The following RNF125 variants were observed in gnomAD, a reference collection of about 807,000 sequenced individuals.
RNF125 encodes the protein ring finger protein 125.
Under a neutral mutation model 26.0 loss-of-function variants are expected in RNF125, and 21 were observed. The observed-to-expected ratio is 0.81, with a 90% confidence interval of 0.57 to 1.16. RNF125 has a LOEUF of 1.16. Among genes scored for constraint, RNF125 ranks in the 50% most tolerant of loss-of-function variants. RNF125 has a pLI of 0.00. For synonymous variants in RNF125, 95 were observed against 109.2 expected, an observed-to-expected ratio of 0.87 and a Z score of 0.81; for missense variants, 270 against 299.4, an observed-to-expected ratio of 0.90 and a Z score of 0.72.
chr18:32,044,082 C>T (rs1175230339), intron 3 of RNF125, among the ~76,000 whole-genome samples: 26 of 152,054 alleles, frequency 1.7e-4, no homozygotes, highest in Admixed American at 1.7e-3. Context: ...TCTTGGCTCA[C>T]TGCAACCTCT....
Position 32,037,142 on chromosome 18 carries a change from G to A in RNF125, c.191G>A (p.Ser64Asn). 6.2e-7 allele frequency: 1 copy of A among 1,605,736 alleles called. No homozygotes were observed. The change falls in exon 2 of 6, where the codon AGT becomes AAT. Residue 64 changes from serine (S) to asparagine (N), a missense_variant. Ser to Asn is a conservative substitution (Grantham distance 46). Coordinates refer to ENST00000217740, the MANE Select transcript of RNF125 (RefSeq NM_017831.4). Reference protein sequence around the residue: ...HVFCRSCIATSLKNNKWTCPY... With the variant: ...HVFCRSCIATNLKNNKWTCPY... ...TTCTGCCGTTCCTGTATTGCTACCA[G>A]TCTAAAGAACAACAAGTGGACCTGT...
At chr18:32,061,181 C>T (rs2039431355) in intron 4 of RNF125, among the ~76,000 whole-genome samples, 2 of 152,270 alleles carry the variant, frequency 1.3e-5, no homozygotes, top group African/African-American at 4.8e-5. Flanking sequence ...CCCGCCACCA[C>T]ACCCGGCTAA....
chr18:32,056,970 G>A (rs75645298), intron 4 of RNF125, among the ~76,000 whole-genome samples: 2,531 of 152,212 alleles, frequency 0.017, 66 homozygotes, highest in African/African-American at 0.057. Flanking sequence ...TTACACAGTC[G>A]TAGAGAAAAG....
the RNF125 span, among the ~76,000 whole-genome samples, chr18:32,082,883 G>A: frequency 6.6e-6 from 1 of 152,152 alleles, no homozygotes; most frequent in African/African-American, 2.4e-5. Flanking sequence ...AAAGTGAATT[G>A]TGAGATATAC....
chr18:32,042,617 T>C (rs1028663472), intron 3 of RNF125, among the ~76,000 whole-genome samples: 6 of 152,066 alleles, frequency 3.9e-5, no homozygotes, highest in African/African-American at 1.5e-4. Flanking sequence ...AGATTGTGTT[T>C]GGGATTATCC....
Position 32,068,492 on chromosome 18 carries a change from A to C in RNF125, c.*108A>C. ...TGATTGATGGGCAAAAATGTACAAC[A>C]CAGTTATGTGTTTGTCCATGTTTAT... is the stretch of plus-strand genomic sequence containing the variant. On this transcript the variant is annotated 3_prime_UTR_variant, in exon 6 of 6. Coordinates refer to ENST00000217740, the MANE Select transcript of RNF125 (RefSeq NM_017831.4). 2.8e-6 allele frequency: 2 copies of C among 705,516 alleles called. No individual in the cohort carries two copies. Among genetic ancestry groups the C allele is most frequent in the Middle Eastern group, 2.4e-4 (1 of 4,086 alleles). 43.7% of individuals were successfully genotyped at this position (705,516 alleles called of 1,614,324 possible).
chr18:32,058,133 A>T (rs1396272172), intron 4 of RNF125, among the ~76,000 whole-genome samples: 3 of 114,224 alleles, frequency 2.6e-5, no homozygotes, highest in Admixed American at 8.6e-5. Flanking sequence ...CCCCATCTCT[A>T]AAAAAAAAAA....
intron 4 of RNF125, among the ~76,000 whole-genome samples, chr18:32,063,739 A>G (rs2039456215): frequency 6.6e-6 from 1 of 152,208 alleles, no homozygotes; most frequent in African/African-American, 2.4e-5. Flanking sequence ...ACTACTCAGT[A>G]ATAAGGAGGG....
intron 1 of RNF125, among the ~76,000 whole-genome samples, chr18:32,021,949 T>C (rs1375893133): frequency 6.6e-6 from 1 of 152,254 alleles, no homozygotes; most frequent in East Asian, 1.9e-4. Context: ...TGTCCATTGT[T>C]CTGGCTGTGG....
chr18:32,063,327 T>G (rs1490399236), intron 4 of RNF125, among the ~76,000 whole-genome samples: 1 of 152,092 alleles, frequency 6.6e-6, no homozygotes, highest in Non-Finnish European at 1.5e-5. Flanking sequence ...AAAGAGTTAT[T>G]TATATTAGCC....
intron 5 of RNF125, among the ~76,000 whole-genome samples, chr18:32,067,437 G>A (rs2039494972): frequency 6.6e-6 from 1 of 152,222 alleles, no homozygotes; most frequent in Non-Finnish European, 1.5e-5. Flanking sequence ...ATATTCTTGG[G>A]TAGGGAAGTG....
downstream of RNF125, chr18:32,076,156 A>G (rs2039569018): frequency 1.8e-6 from 1 of 559,640 alleles, no homozygotes; most frequent in African/African-American, 1.9e-5. Flanking sequence ...TCATTATCAC[A>G]GTTAGAAACC....
At chr18:32,074,745 A>G (rs1438817532), downstream of RNF125, among the ~76,000 whole-genome samples, 3 of 151,920 alleles carry the variant, frequency 2.0e-5, no homozygotes, top group African/African-American at 7.3e-5. Flanking sequence ...GTTTCACCAT[A>G]TTGGTCAGGC....
the RNF125 span, among the ~76,000 whole-genome samples, chr18:32,078,547 T>C: frequency 2.6e-5 from 4 of 151,784 alleles, no homozygotes; most frequent in African/African-American, 9.7e-5. Context: ...GGCCGAGGCA[T>C]GAGGACTGTA....
the RNF125 span, among the ~76,000 whole-genome samples, chr18:32,082,656 A>G: frequency 6.6e-6 from 1 of 152,216 alleles, no homozygotes; most frequent in Non-Finnish European, 1.5e-5. Context: ...TGGCTCTTCA[A>G]TTTAGCAGCC....
chr18:32,034,638 C>T (rs1339515257), intron 1 of RNF125, among the ~76,000 whole-genome samples: 2 of 152,090 alleles, frequency 1.3e-5, no homozygotes, highest in African/African-American at 4.8e-5. Flanking sequence ...ACTGGCCGGG[C>T]ACAGTGGCTC....
downstream of RNF125, among the ~76,000 whole-genome samples, chr18:32,075,184 A>G (rs2039561770): frequency 6.6e-6 from 1 of 152,108 alleles, no homozygotes; most frequent in Non-Finnish European, 1.5e-5. Flanking sequence ...CCATTTTTAC[A>G]ATTCTACTCC....
the RNF125 span, among the ~76,000 whole-genome samples, chr18:32,085,373 CAGAGAGAGAGAGAGAGAGAGAG>C: frequency 2.3e-5 from 3 of 128,722 alleles, no homozygotes; most frequent in South Asian, 2.8e-4. Context: ...CTGCCAGAAG[CAGAGAGAGAGAGAGAGAGAGAG>C]AGAGAGAGAG....
At chr18:32,042,338 T>C (rs557113849) in intron 3 of RNF125, 65 bp downstream of exon 3, 1 of 1,012,630 alleles carries the variant, frequency 9.9e-7, no homozygotes, top group East Asian at 2.6e-5. Flanking sequence ...TTTAATGGGC[T>C]GGAAACTTTA....
Sources: allele counts gnomAD v4.1 joint callset (sites outside exome capture counted in the v4.1 genomes callset), GRCh38; gene constraint gnomAD v4.1.1; transcripts MANE v1.5; gene names NCBI Gene and HGNC (gene_info 2026-07-23, HGNC 2026-07-21).